The following PRKCH variants were observed in gnomAD, a reference collection of about 807,000 sequenced individuals.
The protein encoded by PRKCH is protein kinase C eta type.
PRKCH carries 28 observed loss-of-function variants against 82.5 expected under a neutral mutation model. The observed-to-expected ratio is 0.34, with a 90% CI of 0.25 to 0.47. The LOEUF is 0.47. Among genes scored for constraint, PRKCH ranks in the 20% least tolerant of loss-of-function variants. The pLI is 1.00. For synonymous variants in PRKCH, 322 were observed against 327.4 expected (o/e 0.98, Z 0.18); for missense variants, 705 against 881.8 (o/e 0.80, Z 2.54).
At chr14:61,237,831 G>A (rs1450394446) in intron 1 of PRKCH, among the ~76,000 whole-genome samples, 3 of 152,134 alleles carry the variant, frequency 2.0e-5, no homozygotes, top group African/African-American at 7.2e-5. Context: ...AACCATCTTG[G>A]GCACTTGCGG....
At chr14:61,523,545 A>G (rs1429231124) in intron 10 of PRKCH, among the ~76,000 whole-genome samples, 1 of 152,226 alleles carries the variant, frequency 6.6e-6, no homozygotes, top group Admixed American at 6.5e-5. Context: ...CTTGGGGTAG[A>G]GCCTACTTCA....
intron 10 of PRKCH, among the ~76,000 whole-genome samples, chr14:61,504,205 T>C (rs200571607): frequency 7.0e-6 from 1 of 142,766 alleles, no homozygotes. Flanking sequence ...GGTTTTTTTT[T>C]CTTGAGAGAG....
intron 1 of PRKCH, among the ~76,000 whole-genome samples, chr14:61,193,426 G>GA (rs2044420276): frequency 6.6e-6 from 1 of 151,926 alleles, no homozygotes; most frequent in Admixed American, 6.6e-5. Flanking sequence ...TTCTTAGCAT[G>GA]AAAAATTTTT....
chr14:61,453,444 C>G, intron 7 of PRKCH, 91 bp downstream of exon 7: 2 of 1,404,878 alleles, frequency 1.4e-6, no homozygotes, highest in Non-Finnish European at 9.6e-7. Flanking sequence ...CATCAAAGTT[C>G]CTAATCTTAG....
chr14:61,226,449 T>C (rs571279472), intron 1 of PRKCH, among the ~76,000 whole-genome samples: 57 of 152,316 alleles, frequency 3.7e-4, no homozygotes, highest in African/African-American at 1.3e-3. Context: ...GTGTGGGATG[T>C]TGTGGGTCGA....
At chr14:61,341,121 C>T (rs1276145440) in intron 1 of PRKCH, among the ~76,000 whole-genome samples, 3 of 152,154 alleles carry the variant, frequency 2.0e-5, no homozygotes, top group Non-Finnish European at 2.9e-5. Context: ...TGCCAGAAGT[C>T]GTTTAAAGGC....
intron 1 of PRKCH, among the ~76,000 whole-genome samples, chr14:61,271,864 C>T (rs1369202004): frequency 6.6e-6 from 1 of 152,224 alleles, no homozygotes; most frequent in East Asian, 1.9e-4. Context: ...AACACTGGAC[C>T]ACTTTCTTTC....
rs375093010 is a variant in PRKCH, at chr14:61,280,895, C to A, written c.-19+93227C>A. On this transcript the variant is annotated intron_variant, in intron 1 of 3. Coordinates refer to the PRKCH transcript ENST00000555185. This position sits in a 1 kb window ranked among gnomAD's most constrained non-coding sequence, Gnocchi z 5.0. Reference sequence around the variant, plus strand: ...GAGCAGGGGGGCGGCAGCGCCCGGCCCTGGCCAGCCGCGGCGCACACCGAG... The same window carrying A: ...GAGCAGGGGGGCGGCAGCGCCCGGCACTGGCCAGCCGCGGCGCACACCGAG... 2.5e-4 allele frequency: 383 copies of A among 1,550,352 alleles called. No homozygotes were observed. In the Middle Eastern group the frequency reaches 2.5e-3, roughly 10 times the overall value.
rs951259081 is a variant in PRKCH, at chr14:61,426,251, G to A, written c.428-16860G>A. On this transcript the variant is annotated intron_variant, in intron 2 of 13. Transcript: ENST00000332981. ...TCATGTAGAGGAACATTTACATGTCGCTGCTTGTTCCTTCTACCCATGGCC... is the reference window on the plus strand; with the variant it reads ...TCATGTAGAGGAACATTTACATGTCACTGCTTGTTCCTTCTACCCATGGCC... Among the ~76,000 whole-genome samples, 9 of 152,162 alleles carry A rather than the reference G, an allele frequency of 5.9e-5. 1 individual carries two copies. Among genetic ancestry groups the A allele is most frequent in the South Asian group, 2.1e-4 (1 of 4,824 alleles).
intron 1 of PRKCH, chr14:61,305,441 G>C (rs2045479804): frequency 1.3e-5 from 2 of 151,894 alleles, no homozygotes. Context: ...TGGGATTACA[G>C]GTATGAGCCA....
At chr14:61,317,113 G>A (rs1233509509), upstream of PRKCH, among the ~76,000 whole-genome samples, 1 of 152,310 alleles carries the variant, frequency 6.6e-6, no homozygotes, top group Middle Eastern at 3.4e-3. Flanking sequence ...CCACAACATA[G>A]GTGTTTCTTT....
At chr14:61,512,221 C>T (rs1197139704) in intron 10 of PRKCH, among the ~76,000 whole-genome samples, 3 of 149,994 alleles carry the variant, frequency 2.0e-5, no homozygotes, top group Non-Finnish European at 4.4e-5. Context: ...ATACTACATC[C>T]TGAAACTGGG....
chr14:61,390,836 C>T, intron 1 of PRKCH: 1 of 182,368 alleles, frequency 5.5e-6, no homozygotes, highest in Non-Finnish European at 1.1e-5. Context: ...TGTTCATTAC[C>T]TTGTATGTTG....
chr14:61,529,147 G>A lies in PRKCH; in HGVS notation c.1506G>A (p.Lys502=), dbSNP rs756192994. 8.1e-6 allele frequency: 13 copies of A among 1,613,940 alleles called. No individual in the cohort carries two copies. The East Asian group carries it at 2.0e-4, about 25-fold the overall frequency. Residue 502 remains lysine (K), a synonymous_variant, in exon 11 of 14, where the codon AAG becomes AAA. Coordinates refer to ENST00000332981, the MANE Select transcript of PRKCH (RefSeq NM_006255.5). ...HCKLADFGMC[K]EGICNGVTTA... ...AACTGGCAGACTTCGGAATGTGCAA[G>A]GAGGGGATTTGCAATGGTGTCACCA... is the stretch of plus-strand genomic sequence containing the variant.
intron 1 of PRKCH, among the ~76,000 whole-genome samples, chr14:61,263,020 C>T (rs2045063856): frequency 6.6e-6 from 1 of 152,192 alleles, no homozygotes; most frequent in Admixed American, 6.5e-5. Flanking sequence ...GACATATTCT[C>T]ATCATTGGTC....
intron 1 of PRKCH, among the ~76,000 whole-genome samples, chr14:61,237,886 C>T (rs1047354751): frequency 6.6e-6 from 1 of 152,236 alleles, no homozygotes; most frequent in African/African-American, 2.4e-5. Context: ...AAAATAAACT[C>T]CTAAACTGAT....
At chr14:61,310,586 A>G (rs1161028842) in intron 1 of PRKCH, among the ~76,000 whole-genome samples, 1 of 151,922 alleles carries the variant, frequency 6.6e-6, no homozygotes, top group Non-Finnish European at 1.5e-5. Flanking sequence ...GCTGCTTTCG[A>G]GGTGTTGGTG....
intron 10 of PRKCH, among the ~76,000 whole-genome samples, chr14:61,500,095 C>T (rs906295676): frequency 2.5e-4 from 38 of 150,518 alleles, no homozygotes; most frequent in African/African-American, 9.1e-4. Flanking sequence ...GATCAATATC[C>T]GGTTGACTTG....
chr14:61,367,178 G>A (rs1208637139), intron 1 of PRKCH, among the ~76,000 whole-genome samples: 6 of 152,024 alleles, frequency 3.9e-5, no homozygotes, highest in African/African-American at 1.5e-4. Context: ...TGAGAGACAG[G>A]CAGATGAAGG....
Sources: gnomAD v4.1 joint callset for allele counts (sites outside exome capture counted in the v4.1 genomes callset) on GRCh38, gnomAD v4.1.1 for gene constraint, Gnocchi (gnomAD v3.1) non-coding constraint, MANE v1.5 for transcripts, NCBI Gene and HGNC (gene_info 2026-07-23, HGNC 2026-07-21) for gene names.